Variants in CFAP20DC observed in about 807,000 individuals in gnomAD.
The protein encoded by CFAP20DC is protein CFAP20DC.
CFAP20DC carries 84 observed loss-of-function variants against 101.7 expected under a neutral mutation model. That is an observed-to-expected ratio of 0.83 (90% CI 0.69 to 0.99). CFAP20DC has a LOEUF of 0.99. CFAP20DC is among the 50% of genes least tolerant of loss of function. The pLI is 0.00. For missense variants in CFAP20DC, 1,007 were observed against 970.3 expected (o/e 1.04, Z -0.50); for synonymous variants, 359 against 351.2 (o/e 1.02, Z -0.25).
intron 15 of CFAP20DC, among the ~76,000 whole-genome samples, chr3:58,765,652 A>G (rs1448675939): frequency 1.3e-5 from 2 of 152,128 alleles, no homozygotes; most frequent in African/African-American, 4.8e-5. Context: ...ACATGGCAAT[A>G]ATTATTATAT....
At chr3:58,989,301 G>C (rs2092855035) in intron 4 of CFAP20DC, among the ~76,000 whole-genome samples, 1 of 152,066 alleles carries the variant, frequency 6.6e-6, no homozygotes, top group South Asian at 2.1e-4. Context: ...TGTAAAGAAA[G>C]CAAATATACA....
At chr3:58,833,714 T>C (rs1184723597) in intron 13 of CFAP20DC, among the ~76,000 whole-genome samples, 1 of 152,152 alleles carries the variant, frequency 6.6e-6, no homozygotes, top group African/African-American at 2.4e-5. Context: ...AGCAATTCAC[T>C]CCTAAGCATA....
chr3:58,778,991 A>C (rs998799717), intron 15 of CFAP20DC, among the ~76,000 whole-genome samples: 15 of 152,198 alleles, frequency 9.9e-5, no homozygotes, highest in African/African-American at 3.4e-4. Flanking sequence ...GCACATTCAA[A>C]TTATTGGAAG....
chr3:58,880,561 CA>C (rs1211858754), intron 7 of CFAP20DC, among the ~76,000 whole-genome samples: 1 of 151,980 alleles, frequency 6.6e-6, no homozygotes, highest in African/African-American at 2.4e-5. Context: ...AAAAGTAACA[CA>C]ATTGTCAAAC....
chr3:58,770,828 T>C (rs1424262764), intron 15 of CFAP20DC, among the ~76,000 whole-genome samples: 2 of 152,126 alleles, frequency 1.3e-5, no homozygotes, highest in African/African-American at 2.4e-5. Context: ...GAGAATAAGA[T>C]AGGGACCAGG....
chr3:58,924,468 A>C (rs749001808), intron 5 of CFAP20DC, among the ~76,000 whole-genome samples: 1 of 152,018 alleles, frequency 6.6e-6, no homozygotes, highest in Admixed American at 6.6e-5. Flanking sequence ...TCTTTACCCA[A>C]TCATCTGATG....
intron 14 of CFAP20DC, among the ~76,000 whole-genome samples, chr3:58,827,706 A>G (rs925978999): frequency 1.7e-4 from 26 of 152,178 alleles, no homozygotes; most frequent in Non-Finnish European, 5.9e-5. Context: ...ACGTGTTCCC[A>G]TAACTCGTTA....
In CFAP20DC at chr3:58,729,322, AGATTT is replaced by A. The variant is rs1002606284; in HGVS notation, c.198-11699_198-11695del. Among the ~76,000 whole-genome samples, 3 of 152,204 alleles carry A rather than the reference AGATTT, an allele frequency of 2.0e-5. No individual in the cohort carries two copies. Among genetic ancestry groups the A allele is most frequent in the African/African-American group, 7.2e-5 (3 of 41,462 alleles). ...TTTTAAAATTAATTAGATTTTTATT[AGATTT>A]ATTTCTAGGTATTTGATGTTCTTTG... is the stretch of plus-strand genomic sequence containing the variant. On this transcript the variant is annotated intron_variant, in intron 3 of 3. Transcript: ENST00000486145. The surrounding 1 kb of genome is among the most constrained non-coding windows in gnomAD (Gnocchi z 4.4).
chr3:58,966,496 ATGTG>A (rs763004654), intron 4 of CFAP20DC, among the ~76,000 whole-genome samples: 1 of 114,738 alleles, frequency 8.7e-6, no homozygotes. Flanking sequence ...ATATACACAT[ATGTG>A]TGTGTGTGTG....
At chr3:58,909,395 A>C (rs186310422) in intron 6 of CFAP20DC, among the ~76,000 whole-genome samples, 112 of 152,232 alleles carry the variant, frequency 7.4e-4, no homozygotes, top group African/African-American at 2.6e-3. Context: ...CTCTTGTACA[A>C]CTTTTTGTTT....
At chr3:58,997,509 T>C (rs2093173077) in intron 4 of CFAP20DC, among the ~76,000 whole-genome samples, 1 of 152,196 alleles carries the variant, frequency 6.6e-6, no homozygotes, top group African/African-American at 2.4e-5. Context: ...CTGTACTAAT[T>C]GATTCTGCAT....
rs1002556256 is a variant in CFAP20DC, at chr3:58,849,354, G to A, written c.1649C>T (p.Thr550Ile). Residue 550 changes from threonine (T) to isoleucine (I), a missense_variant, in exon 13 of 17, where the codon ACT becomes ATT. Transcript: ENST00000482387. ...RGPTTGPSEL[T>I]QLTLESLLGK... Reference sequence around the variant, plus strand: ...CAGCAGGCTCTCTAATGTTAACTGAGTTAACTCTGAAGGACCAGTTGTTGG... The same window carrying A: ...CAGCAGGCTCTCTAATGTTAACTGAATTAACTCTGAAGGACCAGTTGTTGG... 2.0e-6 allele frequency: 3 copies of A among 1,535,870 alleles called. No individual in the cohort carries two copies. Among genetic ancestry groups the A allele is most frequent in the Admixed American group, 3.9e-5 (2 of 50,984 alleles).
rs1031506178 is a variant in CFAP20DC, at chr3:58,729,700, T to G, written c.198-12072A>C. ...TAGTTGTTCCCAATGCAAGGCCTGG[T>G]CTATACCAAATTAGTCTGCTATTAT... On this transcript the variant is annotated intron_variant, in intron 3 of 3. Transcript: ENST00000486145. The surrounding 1 kb of genome is among the most constrained non-coding windows in gnomAD (Gnocchi z 4.4). Among the ~76,000 whole-genome samples the G allele has an allele frequency of 3.9e-5, 6 of 152,140 alleles. No homozygotes were observed. Among genetic ancestry groups the G allele is most frequent in the Admixed American group, 1.3e-4 (2 of 15,276 alleles).
chr3:58,754,200 T>C lies in CFAP20DC; in HGVS notation c.2238-337A>G, dbSNP rs114782452. ...AACGTAGCTGAGATGAAGCTCCTTA[T>C]GAGCTTTGGGTAAGAAAGCGTGACA... On this transcript the variant is annotated intron_variant, in intron 15 of 16. Coordinates refer to ENST00000482387, the MANE Select transcript of CFAP20DC (RefSeq NM_001394063.1). 8.1e-3 allele frequency among the ~76,000 whole-genome samples: 1,239 copies of C among 152,290 alleles called. 19 individuals are homozygous for C. Among genetic ancestry groups the C allele is most frequent in the African/African-American group, 0.028 (1,184 of 41,566 alleles).
intron 14 of CFAP20DC, among the ~76,000 whole-genome samples, chr3:58,818,298 T>C (rs548231404): frequency 2.7e-5 from 4 of 149,436 alleles, no homozygotes; most frequent in South Asian, 2.1e-4. Context: ...CAATATTAAC[T>C]TTAAATGTAA....
intron 14 of CFAP20DC, among the ~76,000 whole-genome samples, chr3:58,809,793 G>C (rs967425811): frequency 6.6e-6 from 1 of 151,988 alleles, no homozygotes; most frequent in African/African-American, 2.4e-5. Context: ...CAACAAAATT[G>C]ATAGACCTCC....
chr3:58,803,980 A>G (rs1412205905), intron 15 of CFAP20DC, among the ~76,000 whole-genome samples: 1 of 152,236 alleles, frequency 6.6e-6, no homozygotes, highest in African/African-American at 2.4e-5. Context: ...ATATTACCAC[A>G]TCTAGATATT....
chr3:58,826,398 C>T (rs994040411), intron 14 of CFAP20DC, among the ~76,000 whole-genome samples: 8 of 152,098 alleles, frequency 5.3e-5, no homozygotes, highest in African/African-American at 1.4e-4. Flanking sequence ...GTTTGCTGCA[C>T]CCATCAACCC....
chr3:58,761,536 T>C (rs1169262020), intron 15 of CFAP20DC, among the ~76,000 whole-genome samples: 1 of 152,222 alleles, frequency 6.6e-6, no homozygotes, highest in Non-Finnish European at 1.5e-5. Context: ...CTCTATTTCC[T>C]TCAGTTCTGC....
Sources: allele counts gnomAD v4.1 joint callset (sites outside exome capture counted in the v4.1 genomes callset), GRCh38; gene constraint gnomAD v4.1.1; non-coding constraint Gnocchi (gnomAD v3.1); transcripts MANE v1.5; gene names NCBI Gene and HGNC (gene_info 2026-07-23, HGNC 2026-07-21).